The following KMO variants were observed in gnomAD, a reference collection of about 807,000 sequenced individuals.
KMO encodes kynurenine 3-monooxygenase, also known as kynurenine 3-hydroxylase.
KMO carries 24 observed loss-of-function variants against 57.8 expected under a neutral mutation model. The ratio of observed to expected loss-of-function variants is 0.42; its 90% CI spans 0.30 to 0.58. The LOEUF (loss-of-function observed/expected upper bound fraction) is 0.58. Among genes scored for constraint, KMO ranks in the 20% least tolerant of loss-of-function variants. The pLI is 0.22. For missense variants in KMO, 483 were observed against 588.2 expected (o/e 0.82, Z 1.85); for synonymous variants, 210 against 193.6 (o/e 1.08, Z -0.70).
At chr1:241,581,931 T>A (rs1662768559) in intron 10 of KMO, among the ~76,000 whole-genome samples, 1 of 152,180 alleles carries the variant, frequency 6.6e-6, no homozygotes, top group Non-Finnish European at 1.5e-5. Flanking sequence ...AAGATCTCCC[T>A]TGAGTATTTC....
Position 241,558,176 on chromosome 1 carries a change from A to C in KMO, c.362-2489A>C, listed in dbSNP as rs955548025. Among the ~76,000 whole-genome samples, 4 of 152,200 alleles carry C rather than the reference A, an allele frequency of 2.6e-5. No homozygotes were observed. The South Asian group carries it at 6.2e-4, about 24-fold the overall frequency. ...TTATGACTTCTGCCTCCAATATTAT[A>C]TATAAAACATCTGCTAATACTAAGG... On this transcript the variant is annotated intron_variant, in intron 5 of 14. Coordinates refer to ENST00000366559, the MANE Select transcript of KMO (RefSeq NM_003679.5).
intron 1 of KMO, among the ~76,000 whole-genome samples, chr1:241,538,049 A>T (rs1660809857): frequency 1.3e-5 from 2 of 152,182 alleles, no homozygotes; most frequent in African/African-American, 4.8e-5. Context: ...TTTATGGGGT[A>T]AAGAAGCAGG....
intron 1 of KMO, among the ~76,000 whole-genome samples, chr1:241,538,415 G>GAAAACA (rs774072247): frequency 2.8e-4 from 42 of 152,122 alleles, no homozygotes; most frequent in Non-Finnish European, 4.7e-4. Context: ...CCTAGTTCCT[G>GAAAACA]AAAACAAAAA....
At chr1:241,548,088 A>AACACACACACACACACACACAC (rs60952289) in intron 1 of KMO, among the ~76,000 whole-genome samples, 2,432 of 148,896 alleles carry the variant, frequency 0.016, 22 homozygotes, top group Non-Finnish European at 0.026. Flanking sequence ...AAACAAACAA[A>AACACACACACACACACACACAC]ACACACACAC....
At chr1:241,537,852 T>C (rs925144116) in intron 1 of KMO, among the ~76,000 whole-genome samples, 3 of 152,136 alleles carry the variant, frequency 2.0e-5, no homozygotes, top group African/African-American at 7.2e-5. Context: ...TACCTACCGC[T>C]GGGTCCCTCC....
At chr1:241,561,165 C>T (rs531598027) in intron 6 of KMO, among the ~76,000 whole-genome samples, 4 of 152,280 alleles carry the variant, frequency 2.6e-5, no homozygotes, top group Admixed American at 6.5e-5. Context: ...TATGGATCCA[C>T]GCTCATGGGT....
intron 10 of KMO, among the ~76,000 whole-genome samples, chr1:241,579,019 T>C (rs915783395): frequency 1.9e-4 from 29 of 152,232 alleles, no homozygotes; most frequent in Admixed American, 1.2e-3. Context: ...TTCAATTATG[T>C]CCCACCAGGT....
intron 10 of KMO, among the ~76,000 whole-genome samples, chr1:241,581,696 T>C (rs1046896303): frequency 1.3e-5 from 2 of 152,070 alleles, no homozygotes; most frequent in African/African-American, 4.8e-5. Context: ...CATTTTGACA[T>C]TTTGTTGTCT....
chr1:241,552,796 A>T (rs960116709), intron 4 of KMO, among the ~76,000 whole-genome samples: 1 of 151,996 alleles, frequency 6.6e-6, no homozygotes, highest in Non-Finnish European at 1.5e-5. Flanking sequence ...TCCCTCCTTC[A>T]GCTGTTTTTT....
At chr1:241,534,941 C>G (rs553291294) in intron 1 of KMO, among the ~76,000 whole-genome samples, 1 of 152,060 alleles carries the variant, frequency 6.6e-6, no homozygotes, top group South Asian at 2.1e-4. Context: ...TCTTATCTAC[C>G]AGTATCGGAA....
Position 241,549,243 on chromosome 1 carries a change from A to AAGAG in KMO, c.124+348_124+349insGAGA, listed in dbSNP as rs1661287224. ...AAAGAAAGAAAGAAAGAAAGAAAGA[A>AAGAG]AGAAAGAAAGAAAGAAAGAAAGAAA... On this transcript the variant is annotated intron_variant, in intron 2 of 14. Coordinates refer to ENST00000366559, the MANE Select transcript of KMO (RefSeq NM_003679.5). Among the ~76,000 whole-genome samples the AAGAG allele has an allele frequency of 3.3e-4, 6 of 17,914 alleles. 1 individual carries two copies. Among genetic ancestry groups the AAGAG allele is most frequent in the Admixed American group, 2.8e-3 (6 of 2,148 alleles). 11.8% of individuals were successfully genotyped at this position (17,914 alleles called of 152,430 possible).
chr1:241,559,424 AC>A (rs1661755367), intron 5 of KMO, among the ~76,000 whole-genome samples: 1 of 135,152 alleles, frequency 7.4e-6, no homozygotes, highest in Admixed American at 8.1e-5. Context: ...AATACTATAT[AC>A]TTATGTAAAA....
At chr1:241,540,418 T>C (rs1417159350) in intron 1 of KMO, among the ~76,000 whole-genome samples, 1 of 151,676 alleles carries the variant, frequency 6.6e-6, no homozygotes, top group African/African-American at 2.4e-5. Flanking sequence ...TTTGGAGGAG[T>C]AGAGGTATCA....
At chr1:241,538,083 G>A (rs1189832285) in intron 1 of KMO, among the ~76,000 whole-genome samples, 1 of 152,172 alleles carries the variant, frequency 6.6e-6, no homozygotes, top group African/African-American at 2.4e-5. Context: ...TGGGGAAGGT[G>A]ATTAGCAGTG....
intron 10 of KMO, among the ~76,000 whole-genome samples, chr1:241,575,861 A>C (rs1451748873): frequency 6.6e-6 from 1 of 152,020 alleles, no homozygotes; most frequent in South Asian, 2.1e-4. Context: ...ATGGAGTGTT[A>C]AAGTCCCCAC....
chr1:241,570,915 G>A (rs1051296674), intron 10 of KMO, among the ~76,000 whole-genome samples: 33 of 152,132 alleles, frequency 2.2e-4, no homozygotes, highest in Non-Finnish European at 2.2e-4. Context: ...TAATCCATGA[G>A]CATGGAATAT....
chr1:241,563,299 A>T (rs1472674939), intron 7 of KMO, among the ~76,000 whole-genome samples: 1 of 152,180 alleles, frequency 6.6e-6, no homozygotes, highest in Non-Finnish European at 1.5e-5. Context: ...CAATAAGGAT[A>T]TTGGCTTATA....
At chr1:241,589,328 A>C (rs1194055775) in intron 12 of KMO, among the ~76,000 whole-genome samples, 1 of 152,200 alleles carries the variant, frequency 6.6e-6, no homozygotes, top group Non-Finnish European at 1.5e-5. Context: ...AAAACATATT[A>C]ATTCCATTTT....
chr1:241,572,247 T>C (rs1662320302), intron 10 of KMO, among the ~76,000 whole-genome samples: 1 of 152,170 alleles, frequency 6.6e-6, no homozygotes, highest in Non-Finnish European at 1.5e-5. Flanking sequence ...GGGAAACTTT[T>C]TGTTACTGCT....
Sources: allele counts gnomAD v4.1 joint callset (sites outside exome capture counted in the v4.1 genomes callset), GRCh38; gene constraint gnomAD v4.1.1; transcripts MANE v1.5; gene names NCBI Gene and HGNC (gene_info 2026-07-23, HGNC 2026-07-21).